The following UNC13A variants were observed in gnomAD, a reference collection of about 807,000 sequenced individuals.
UNC13A encodes protein unc-13 homolog A.
A neutral mutation model predicts 219.7 loss-of-function variants in UNC13A; 61 were observed. That is an observed-to-expected ratio of 0.28 (90% CI 0.23 to 0.34). The LOEUF (loss-of-function observed/expected upper bound fraction) is 0.34, where lower values mean the gene tolerates loss of function less well. UNC13A is among the 10% of genes least tolerant of loss of function. The pLI, the probability that UNC13A is intolerant of heterozygous loss-of-function variation, is 1.00. For synonymous variants in UNC13A, 920 were observed against 884.6 expected (o/e 1.04, Z -0.71); for missense variants, 1,476 against 2,270.3 (o/e 0.65, Z 7.11).
Position 17,649,264 on chromosome 19 carries a change from TG to T in UNC13A, c.1524+74del. The stretch of plus-strand genomic sequence containing the variant: ...CAAGGTTCCCCCATAATCCATGAAT[TG>T]GGGGCCTGTTAGAAGATCCCAGTGG... On this transcript the variant is annotated intron_variant, in intron 14 of 43. Transcript: ENST00000519716. This position sits in a 1 kb window ranked among gnomAD's most constrained non-coding sequence, Gnocchi z 4.4. 1 of 1,538,956 alleles carries T rather than the reference TG, an allele frequency of 6.5e-7. No homozygotes were observed. Among genetic ancestry groups the T allele is most frequent in the East Asian group, 2.4e-5 (1 of 41,168 alleles).
At position 17,602,648 on chromosome 19, in the gene UNC13A, A is replaced by C. The variant is rs1846534277; in HGVS notation, c.*3406T>G. The stretch of plus-strand genomic sequence containing the variant: ...AATACAGGAACTTCCTGATTTCAAA[A>C]GGCTTTCAGCCCCCTGGACTCCTTG... On this transcript the variant is annotated 3_prime_UTR_variant, in exon 44 of 44. Coordinates refer to ENST00000519716, the MANE Select transcript of UNC13A (RefSeq NM_001080421.3). The C allele has an allele frequency of 1.3e-5, 2 of 152,262 alleles. No homozygotes were observed. Among genetic ancestry groups the C allele is most frequent in the South Asian group, 2.1e-4 (1 of 4,832 alleles). The allele number at this position is 152,262 out of a possible 1,614,324, so 9.4% of individuals were successfully genotyped here.
At position 17,645,540 on chromosome 19, in the gene UNC13A, T is replaced by C. The variant is rs528098622; in HGVS notation, c.2356+134A>G. The C allele has an allele frequency of 1.4e-5, 18 of 1,313,712 alleles. No homozygotes were observed. The East Asian group carries it at 4.5e-4, about 33-fold the overall frequency. 81.4% of individuals were successfully genotyped at this position (1,313,712 alleles called of 1,614,324 possible). ...CCCATCAAACTGGGCTCCTAGACCC[T>C]GCCTCCCCCATCAGATTATGCTCCT... On this transcript the variant is annotated intron_variant, in intron 19 of 43. Coordinates refer to ENST00000519716, the MANE Select transcript of UNC13A (RefSeq NM_001080421.3).
rs1195591545 is a variant in UNC13A at position 17,647,294 on chromosome 19, G to C, written c.2015C>G (p.Ser672Cys). 2.5e-6 allele frequency: 4 copies of C among 1,597,624 alleles called. No homozygotes were observed. Among genetic ancestry groups the C allele is most frequent in the African/African-American group, 1.3e-5 (1 of 74,736 alleles). ...AVKQSVLDGT[S>C]KWSAKISITV... ...GATGCTGATCTTGGCGGACCACTTG[G>C]ACGTGCCGTCCAGCACGCTCTGCTT... Residue 672 changes from serine (S) to cysteine (C), a missense_variant, in exon 17 of 44, where the codon TCC becomes TGC. By Grantham distance (112) the Ser-to-Cys change is moderately radical (BLOSUM62 -1). This residue lies in a region of UNC13A where 66 missense variants were observed against 224.3 expected (regional missense o/e 0.29). Coordinates refer to ENST00000519716, the MANE Select transcript of UNC13A (RefSeq NM_001080421.3).
At chr19:17,677,956 T>G (rs921248409) in intron 1 of UNC13A, among the ~76,000 whole-genome samples, 4 of 152,182 alleles carry the variant, frequency 2.6e-5, no homozygotes, top group African/African-American at 9.7e-5. Flanking sequence ...TAATCCTTCA[T>G]GTTTTTTCAG....
chr19:17,658,720 G>A (rs2079504307), intron 8 of UNC13A, among the ~76,000 whole-genome samples: 1 of 152,194 alleles, frequency 6.6e-6, no homozygotes. Flanking sequence ...TTAACCCTTA[G>A]AGATTTCCTG....
chr19:17,642,983 A>C (rs576367909), intron 19 of UNC13A, 23 bp from the exon 20 acceptor site: 1 of 1,578,320 alleles, frequency 6.3e-7, no homozygotes, highest in Non-Finnish European at 8.6e-7. Flanking sequence ...AAAAGAAGAC[A>C]GTGTCAGAAC....
chr19:17,611,949 G>T, intron 41 of UNC13A, 94 bp from the exon 42 acceptor site: 2 of 1,095,022 alleles, frequency 1.8e-6, no homozygotes, highest in Non-Finnish European at 2.7e-6. Context: ...CTGTGCTGGC[G>T]GCACCAGGTC....
intron 1 of UNC13A, among the ~76,000 whole-genome samples, chr19:17,679,118 G>C (rs2079957558): frequency 6.6e-6 from 1 of 152,110 alleles, no homozygotes; most frequent in South Asian, 2.1e-4. Flanking sequence ...AAAAGGGAGA[G>C]AGGCTGGGCG....
intron 7 of UNC13A, 45 bp from the exon 8 acceptor site, chr19:17,663,612 G>A: frequency 6.3e-7 from 1 of 1,577,428 alleles, no homozygotes; most frequent in East Asian, 2.3e-5. Flanking sequence ...GCAGACAGAG[G>A]GGTGGGTGTA....
At position 17,666,136 on chromosome 19, in the gene UNC13A, C is replaced by CT. The variant is rs1568267653; in HGVS notation, c.523+513dup. On this transcript the variant is annotated intron_variant, in intron 7 of 43. Transcript: ENST00000519716. ...TTTCTCTTTTCTTTTCTTTCTTTTT[C>CT]TTTCTTTCTTTCCTCTCCTCTCCTT... Among the ~76,000 whole-genome samples the CT allele has an allele frequency of 4.6e-3, 530 of 114,976 alleles. 4 individuals are homozygous for CT. Among genetic ancestry groups the CT allele is most frequent in the African/African-American group, 0.013 (324 of 25,034 alleles). The allele number at this position is 114,976 out of a possible 152,430, so 75.4% of individuals were successfully genotyped here.
rs1568512629 is a variant in UNC13A, at chr19:17,630,765, CG to C, written c.3429-16del. ...GTTCAAACCATCTGGAATGAAGAGCCGGGGTGGGGCTCTGCCACCTCTTGTC... is the reference window on the plus strand; with the variant it reads ...GTTCAAACCATCTGGAATGAAGAGCCGGGTGGGGCTCTGCCACCTCTTGTC... On this transcript the variant is annotated splice_polypyrimidine_tract_variant and intron_variant, in intron 28 of 43. Transcript: ENST00000519716. 2 of 1,611,706 alleles carry C rather than the reference CG, an allele frequency of 1.2e-6. No individual in the cohort carries two copies. Among genetic ancestry groups the C allele is most frequent in the South Asian group, 2.2e-5 (2 of 90,922 alleles).
At chr19:17,666,833 A>G in intron 6 of UNC13A, 129 bp from the exon 7 acceptor site, 2 of 486,932 alleles carry the variant, frequency 4.1e-6, no homozygotes, top group South Asian at 7.7e-5. Flanking sequence ...CTCTATGAGA[A>G]GGATACAGGG....
At chr19:17,636,594 G>A (rs75575655) in intron 25 of UNC13A, among the ~76,000 whole-genome samples, 2,969 of 152,064 alleles carry the variant, frequency 0.02, 113 homozygotes, top group African/African-American at 0.068. Context: ...AATGAATTCC[G>A]TTGGATTGAA....
In UNC13A at chr19:17,649,590, G is replaced by A; in HGVS notation, c.1440-3C>T. ...TGATGATGAGACCGCCCCCTGGGCT[G>A]AAAGACACAGAGGGACACTGAGGGC... On this transcript the variant is annotated splice_region_variant and splice_polypyrimidine_tract_variant and intron_variant, in intron 12 of 43. Coordinates refer to ENST00000519716, the MANE Select transcript of UNC13A (RefSeq NM_001080421.3). The surrounding 1 kb of genome is among the most constrained non-coding windows in gnomAD (Gnocchi z 4.4). 6.2e-7 allele frequency: 1 copy of A among 1,613,860 alleles called. No individual in the cohort carries two copies.
chr19:17,608,291 A>G (rs894260158), intron 43 of UNC13A, among the ~76,000 whole-genome samples: 6 of 139,948 alleles, frequency 4.3e-5, no homozygotes, highest in African/African-American at 1.6e-4. Context: ...TATATAATAT[A>G]ATATATACTA....
intron 31 of UNC13A, among the ~76,000 whole-genome samples, chr19:17,628,684 G>A (rs575360862): frequency 5.3e-5 from 8 of 152,008 alleles, no homozygotes; most frequent in Admixed American, 3.3e-4. Context: ...CACTATACCC[G>A]GTTAACACAG....
chr19:17,636,184 T>G, intron 25 of UNC13A, 27 bp from the exon 26 acceptor site: 1 of 1,567,882 alleles, frequency 6.4e-7, no homozygotes, highest in Non-Finnish European at 8.7e-7. Context: ...AGACCTCGGT[T>G]ATAGGGGGTC....
At chr19:17,656,500 A>C in intron 9 of UNC13A, 102 bp from the exon 10 acceptor site, 1 of 1,182,222 alleles carries the variant, frequency 8.5e-7, no homozygotes, top group Non-Finnish European at 1.1e-6. Context: ...AGCACCTACG[A>C]TGTGCCAGGT....
intron 37 of UNC13A, among the ~76,000 whole-genome samples, chr19:17,621,517 G>A (rs777494915): frequency 1.3e-5 from 2 of 152,100 alleles, no homozygotes; most frequent in Non-Finnish European, 2.9e-5. Context: ...GTGATCTAGC[G>A]TGTAGGCTCC....
Sources: gnomAD v4.1 joint callset for allele counts (sites outside exome capture counted in the v4.1 genomes callset) on GRCh38, gnomAD v4.1.1 for gene constraint, gnomAD v4.1.1 regional missense constraint, Gnocchi (gnomAD v3.1) non-coding constraint, MANE v1.5 for transcripts, NCBI Gene and HGNC (gene_info 2026-07-23, HGNC 2026-07-21) for gene names.